KIF11: variants seen among roughly 807,000 people sequenced by gnomAD.
KIF11 encodes kinesin-like protein KIF11.
A neutral mutation model predicts 121.0 loss-of-function variants in KIF11; 9 were observed. The ratio of observed to expected loss-of-function variants is 0.07; its 90% CI spans 0.04 to 0.13. KIF11 has a LOEUF of 0.13. KIF11 is among the 10% of genes least tolerant of loss of function. KIF11 has a pLI of 1.00. For synonymous variants in KIF11, 408 were observed against 421.0 expected (o/e 0.97, Z 0.38); for missense variants, 846 against 1,217.5 (o/e 0.69, Z 4.54).
intron 14 of KIF11, 108 bp downstream of exon 14, chr10:92,633,903 T>A: frequency 1.4e-6 from 1 of 698,466 alleles, no homozygotes; most frequent in Non-Finnish European, 2.4e-6. Context: ...TGTTAACTGC[T>A]ATTCTTTCTT....
chr10:92,629,519 G>T (rs1394756264), intron 11 of KIF11, among the ~76,000 whole-genome samples: 1 of 152,156 alleles, frequency 6.6e-6, no homozygotes, highest in Non-Finnish European at 1.5e-5. Flanking sequence ...TACAGATATT[G>T]GGAGAGACTG....
chr10:92,619,611 A>T (rs2135908790), intron 9 of KIF11, among the ~76,000 whole-genome samples: 1 of 152,168 alleles, frequency 6.6e-6, no homozygotes, highest in East Asian at 1.9e-4. Flanking sequence ...TGTATGAGTG[A>T]TCTGATTTCT....
chr10:92,597,311 T>A (rs185905204), intron 1 of KIF11: 18 of 209,864 alleles, frequency 8.6e-5, no homozygotes, highest in Non-Finnish European at 1.7e-4. Flanking sequence ...TCACCCAGGC[T>A]GGAGTGCAGT....
intron 9 of KIF11, among the ~76,000 whole-genome samples, chr10:92,617,449 A>G (rs1844568545): frequency 6.6e-6 from 1 of 152,162 alleles, no homozygotes; most frequent in African/African-American, 2.4e-5. Flanking sequence ...ATAATATGAC[A>G]TTTGGATCAT....
intron 8 of KIF11, among the ~76,000 whole-genome samples, chr10:92,614,065 C>CACACACACAT (rs1491391031): frequency 1.6e-3 from 190 of 116,514 alleles, no homozygotes; most frequent in African/African-American, 5.7e-3. Flanking sequence ...CACACACACA[C>CACACACACAT]ATATAGTAGG....
chr10:92,643,062 C>T (rs140907522), intron 17 of KIF11, among the ~76,000 whole-genome samples: 111 of 152,246 alleles, frequency 7.3e-4, no homozygotes, highest in African/African-American at 2.6e-3. Context: ...CAGGCACACA[C>T]CACCATGCCC....
intron 1 of KIF11, among the ~76,000 whole-genome samples, chr10:92,604,864 A>C (rs1291771267): frequency 6.6e-6 from 1 of 152,190 alleles, no homozygotes; most frequent in Non-Finnish European, 1.5e-5. Context: ...GTTTTCCCAT[A>C]ATTCCTCTTA....
intron 20 of KIF11, 108 bp from the exon 21 acceptor site, chr10:92,650,293 A>G: frequency 1.4e-6 from 1 of 691,582 alleles, no homozygotes; most frequent in South Asian, 1.8e-5. Context: ...GTTGAGGTTT[A>G]ACTTTTATAT....
At chr10:92,637,589 A>G in intron 16 of KIF11, 44 bp downstream of exon 16, 1 of 1,552,040 alleles carries the variant, frequency 6.4e-7, no homozygotes, top group South Asian at 1.2e-5. Context: ...AGAGAGTTTT[A>G]GGATGATTTG....
Position 92,632,480 on chromosome 10 carries a change from A to C in KIF11, c.1495-6A>C. 6.3e-7 allele frequency: 1 copy of C among 1,578,394 alleles called. No individual in the cohort carries two copies. Among genetic ancestry groups the C allele is most frequent in the Non-Finnish European group, 8.7e-7 (1 of 1,150,864 alleles). Reference sequence around the variant, plus strand: ...TTTTGTCTAACACTTATTTTTAAAAATATAGCTGCTTAACACAGTTGAAGA... The same window carrying C: ...TTTTGTCTAACACTTATTTTTAAAACTATAGCTGCTTAACACAGTTGAAGA... On this transcript the variant is annotated splice_polypyrimidine_tract_variant and splice_region_variant and intron_variant, in intron 12 of 21. Coordinates refer to ENST00000260731, the MANE Select transcript of KIF11 (RefSeq NM_004523.4).
chr10:92,608,445 C>CTT (rs1844454918), intron 4 of KIF11, among the ~76,000 whole-genome samples: 1 of 146,034 alleles, frequency 6.8e-6, no homozygotes, highest in African/African-American at 2.7e-5. Flanking sequence ...TTGAACTTGG[C>CTT]GTTTTTTTTT....
intron 10 of KIF11, 59 bp from the exon 11 acceptor site, chr10:92,628,749 A>G (rs937680838): frequency 1.1e-6 from 1 of 885,044 alleles, no homozygotes; most frequent in Non-Finnish European, 1.8e-6. Flanking sequence ...GTTAGAATAC[A>G]TTTTATAGGA....
In KIF11 at chr10:92,653,999, C is replaced by T. The variant is rs945042068; in HGVS notation, c.*203C>T. 10 of 374,008 alleles carry T rather than the reference C, an allele frequency of 2.7e-5. No individual in the cohort carries two copies. The highest frequency in any genetic ancestry group is 4.1e-5 in the African/African-American group (2 of 48,506). The allele number at this position is 374,008 out of a possible 1,614,324, so 23.2% of individuals were successfully genotyped here. A position where few individuals can be genotyped will look rare whatever the true frequency, so the allele number is the denominator to read the frequency against. On this transcript the variant is annotated 3_prime_UTR_variant, in exon 22 of 22. Coordinates refer to ENST00000260731, the MANE Select transcript of KIF11 (RefSeq NM_004523.4). ...AGGAGTTTGAGACCAGCCTGGCCAA[C>T]GTGGCAAAACCTCGTCTCTGTTAAA... is the stretch of plus-strand genomic sequence containing the variant.
chr10:92,630,358 C>T lies in KIF11; in HGVS notation c.1488C>T (p.Ala496=), dbSNP rs1345658132. The change falls in exon 12 of 22, where the codon GCC becomes GCT. Residue 496 remains alanine, a synonymous_variant. Transcript: ENST00000260731. ...CTGAGGAGAAACTTCATGATGCTGC[C>T]AGCAAGGTTTGTCCCTTGTGTTGAT... ...ESTEEKLHDA[A]SKLLNTVEET... 1.3e-6 allele frequency: 2 copies of T among 1,562,626 alleles called. No homozygotes were observed. The highest frequency in any genetic ancestry group is 1.4e-5 in the African/African-American group (1 of 72,262).
In KIF11 at chr10:92,626,713, A is replaced by G. The variant is rs571034885; in HGVS notation, c.1218-2095A>G. Reference sequence around the variant, plus strand: ...GCATTCACTATAAAAAAGCATTTCAAATAATCCCGTTTTACATAAAAGATC... The same window carrying G: ...GCATTCACTATAAAAAAGCATTTCAGATAATCCCGTTTTACATAAAAGATC... On this transcript the variant is annotated intron_variant, in intron 10 of 21. Transcript: ENST00000260731. Among the ~76,000 whole-genome samples, 31 of 152,332 alleles carry G rather than the reference A, an allele frequency of 2.0e-4. No individual in the cohort carries two copies. The South Asian group carries it at 5.8e-3, about 28-fold the overall frequency.
chr10:92,609,104 G>T lies in KIF11; in HGVS notation c.472G>T (p.Val158Leu). ...TAATGGTACTGAATTTTCAGTCAAA[G>T]TGTCTCTGTTGGAGATCTATAATGA... ...TDNGTEFSVK[V>L]SLLEIYNEEL... The change falls in exon 5 of 22, where the codon GTG becomes TTG. Residue 158 changes from valine (V) to leucine (L), a missense_variant. Transcript: ENST00000260731. 6.2e-7 allele frequency: 1 copy of T among 1,607,116 alleles called. No individual in the cohort carries two copies.
chr10:92,629,049 C>T (rs1308407931), intron 11 of KIF11, among the ~76,000 whole-genome samples, 154 bp downstream of exon 11: 1 of 151,968 alleles, frequency 6.6e-6, no homozygotes, highest in African/African-American at 2.4e-5. Flanking sequence ...AGCGTGATCT[C>T]GGCTCACTGT....
At chr10:92,605,467 A>G (rs934210034) in intron 1 of KIF11, among the ~76,000 whole-genome samples, 3 of 149,372 alleles carry the variant, frequency 2.0e-5, no homozygotes, top group African/African-American at 7.4e-5. Context: ...CTACATCATA[A>G]CCTAATTTGA....
intron 1 of KIF11, chr10:92,597,238 G>A (rs113526217): frequency 3.9e-4 from 93 of 240,752 alleles, no homozygotes; most frequent in African/African-American, 2.0e-3. Context: ...CCAACACCTT[G>A]GCTGCTGGGG....
Sources: gnomAD v4.1 joint callset for allele counts (sites outside exome capture counted in the v4.1 genomes callset) on GRCh38, gnomAD v4.1.1 for gene constraint, MANE v1.5 for transcripts, NCBI Gene and HGNC (gene_info 2026-07-23, HGNC 2026-07-21) for gene names.